The following SGCZ variants were observed in gnomAD, a reference collection of about 807,000 sequenced individuals.
SGCZ encodes the protein zeta-sarcoglycan.
In SGCZ, 40 loss-of-function variants were observed where a neutral mutation model predicts 41.3. The ratio of observed to expected loss-of-function variants is 0.97; its 90% confidence interval spans 0.75 to 1.26. The LOEUF (loss-of-function observed/expected upper bound fraction) is 1.26. Ranked by LOEUF, SGCZ falls within the 50% of genes most tolerant of loss-of-function variation. The probability of loss-of-function intolerance (pLI) is 0.00; values close to 1 mark genes in which losing one functional copy is unlikely to be tolerated. For synonymous variants in SGCZ, 206 were observed against 137.5 expected, an observed-to-expected ratio of 1.50 and a Z score of -3.49; for missense variants, 552 against 369.8, an observed-to-expected ratio of 1.49 and a Z score of -4.04.
chr8:15,145,135 C>T (rs917439645), intron 1 of SGCZ, among the ~76,000 whole-genome samples: 1 of 152,148 alleles, frequency 6.6e-6, no homozygotes, highest in Non-Finnish European at 1.5e-5. Context: ...TGCCGTATCG[C>T]CTCAGTCCTT....
intron 4 of SGCZ, among the ~76,000 whole-genome samples, chr8:14,193,262 A>ATATT (rs1463716951): frequency 6.6e-6 from 1 of 151,842 alleles, no homozygotes; most frequent in African/African-American, 2.4e-5. Context: ...TATTTGTGAT[A>ATATT]TATTTTTTTC....
chr8:14,955,457 C>A lies in SGCZ; in HGVS notation c.39+282128G>T, dbSNP rs181721108. ...TTTCACATGTGAAGTTCCTCAGTGACAGGGATGTGCATTTCAACTTAAGTA... is the reference window on the plus strand; with the variant it reads ...TTTCACATGTGAAGTTCCTCAGTGAAAGGGATGTGCATTTCAACTTAAGTA... On this transcript the variant is annotated intron_variant, in intron 1 of 7. Coordinates refer to ENST00000382080, the MANE Select transcript of SGCZ (RefSeq NM_139167.4). Among the ~76,000 whole-genome samples, 26 of 152,246 alleles carry A rather than the reference C, an allele frequency of 1.7e-4. 1 individual carries two copies. The highest frequency in any genetic ancestry group is 1.4e-3 in the Admixed American group (21 of 15,302).
chr8:14,476,198 T>C (rs1362740193), intron 2 of SGCZ, among the ~76,000 whole-genome samples: 1 of 152,124 alleles, frequency 6.6e-6, no homozygotes, highest in African/African-American at 2.4e-5. Context: ...TGTATTAGCA[T>C]TTGAATCTGT....
intron 1 of SGCZ, among the ~76,000 whole-genome samples, chr8:14,586,370 C>A (rs376392253): frequency 6.6e-6 from 1 of 151,972 alleles, no homozygotes; most frequent in African/African-American, 2.4e-5. Context: ...TGTGTCATCA[C>A]AACAGGCTAA....
chr8:14,236,334 T>C (rs1806760251), intron 4 of SGCZ, among the ~76,000 whole-genome samples: 1 of 152,174 alleles, frequency 6.6e-6, no homozygotes, highest in South Asian at 2.1e-4. Flanking sequence ...TTAATAGATA[T>C]GTAATGACAA....
At chr8:14,213,256 T>A (rs1805877518) in intron 4 of SGCZ, among the ~76,000 whole-genome samples, 1 of 152,006 alleles carries the variant, frequency 6.6e-6, no homozygotes, top group South Asian at 2.1e-4. Context: ...ATACCTAAAT[T>A]TCTGAAAAGT....
intron 1 of SGCZ, among the ~76,000 whole-genome samples, chr8:14,974,291 A>C (rs187698390): frequency 2.0e-5 from 3 of 152,350 alleles, no homozygotes; most frequent in African/African-American, 7.2e-5. Flanking sequence ...TATTGTATAT[A>C]GTATATGTGA....
intron 3 of SGCZ, among the ~76,000 whole-genome samples, chr8:14,262,738 G>A (rs1257566302): frequency 6.7e-6 from 1 of 149,946 alleles, no homozygotes; most frequent in Non-Finnish European, 1.5e-5. Context: ...AAGATGTATC[G>A]TGATATATGA....
At chr8:15,190,731 T>TCAAAAACTTGTTTTGGAGC (rs1454597555) in intron 1 of SGCZ, among the ~76,000 whole-genome samples, 1 of 152,038 alleles carries the variant, frequency 6.6e-6, no homozygotes, top group Non-Finnish European at 1.5e-5. Flanking sequence ...TTGTCAGCAA[T>TCAAAAACTTGTTTTGGAGC]CAAAAACTTG....
intron 1 of SGCZ, among the ~76,000 whole-genome samples, chr8:15,189,560 T>G (rs1460334708): frequency 7.8e-6 from 1 of 128,086 alleles, no homozygotes; most frequent in African/African-American, 2.5e-5. Flanking sequence ...CATGAGGACC[T>G]TGAAGCATTT....
At chr8:14,693,326 C>G (rs1378128213) in intron 1 of SGCZ, among the ~76,000 whole-genome samples, 47 of 148,122 alleles carry the variant, frequency 3.2e-4, no homozygotes, top group African/African-American at 1.2e-3. Context: ...AAATCTTGCT[C>G]TGTCACCCAG....
Position 14,618,830 on chromosome 8 carries a change from G to A in SGCZ, c.40-63904C>T, listed in dbSNP as rs1318863027. On this transcript the variant is annotated intron_variant, in intron 1 of 7. Transcript: ENST00000382080. ...ACTGAAAGCATTCCTTAACAATTCCGATGGGGAGTAAGCAGAAAAAGAGAA... is the reference window on the plus strand; with the variant it reads ...ACTGAAAGCATTCCTTAACAATTCCAATGGGGAGTAAGCAGAAAAAGAGAA... Among the ~76,000 whole-genome samples, 7 of 152,230 alleles carry A rather than the reference G, an allele frequency of 4.6e-5. No homozygotes were observed. In the South Asian group the frequency reaches 6.2e-4, roughly 14 times the overall value.
intron 2 of SGCZ, among the ~76,000 whole-genome samples, chr8:14,376,114 C>G (rs984639591): frequency 1.3e-5 from 2 of 152,078 alleles, no homozygotes; most frequent in Non-Finnish European, 2.9e-5. Context: ...GAGTTCGAGA[C>G]CAGACTGGCC....
chr8:14,658,752 C>T (rs565659805), intron 1 of SGCZ, among the ~76,000 whole-genome samples: 6 of 152,018 alleles, frequency 3.9e-5, no homozygotes, highest in East Asian at 1.9e-4. Context: ...ATTTGTTATT[C>T]GTTTAGCTCA....
intron 2 of SGCZ, among the ~76,000 whole-genome samples, chr8:14,527,549 TA>T (rs1418575173): frequency 6.7e-6 from 1 of 149,806 alleles, no homozygotes; most frequent in Non-Finnish European, 1.5e-5. Flanking sequence ...CACCTTTTTT[TA>T]AAAAAACATC....
At chr8:15,216,643 C>T (rs1031545600) in intron 1 of SGCZ, among the ~76,000 whole-genome samples, 2 of 152,098 alleles carry the variant, frequency 1.3e-5, no homozygotes, top group Non-Finnish European at 2.9e-5. Context: ...TATGAACTCA[C>T]TATTAAAGAA....
chr8:15,140,320 C>T (rs183092513), intron 1 of SGCZ, among the ~76,000 whole-genome samples: 1 of 152,154 alleles, frequency 6.6e-6, no homozygotes, highest in South Asian at 2.1e-4. Context: ...CCACCGTGCC[C>T]AGTCATTATA....
Position 14,514,606 on chromosome 8 carries a change from C to A in SGCZ, c.234+40126G>T, listed in dbSNP as rs991976463. 1.3e-5 allele frequency among the ~76,000 whole-genome samples: 2 copies of A among 150,068 alleles called. 1 individual carries two copies. The highest frequency in any genetic ancestry group is 1.3e-4 in the Admixed American group (2 of 14,964). On this transcript the variant is annotated intron_variant, in intron 2 of 7. Transcript: ENST00000382080. ...ATATTACATTTATATAAATATATAT[C>A]TCTCACATATATTTATATTTCAGGG...
intron 1 of SGCZ, among the ~76,000 whole-genome samples, chr8:14,702,831 A>AGATAGACAGAT (rs1809195793): frequency 1.2e-5 from 1 of 81,058 alleles, no homozygotes; most frequent in Non-Finnish European, 3.0e-5. Context: ...ATAGATAGAT[A>AGATAGACAGAT]GATAGATAGA....
Sources: allele counts gnomAD v4.1 joint callset (sites outside exome capture counted in the v4.1 genomes callset), GRCh38; gene constraint gnomAD v4.1.1; transcripts MANE v1.5; gene names NCBI Gene and HGNC (gene_info 2026-07-23, HGNC 2026-07-21).